The following FSTL4 variants were observed in gnomAD, a reference collection of about 807,000 sequenced individuals.
FSTL4 encodes follistatin like 4, also known as follistatin-related protein 4.
A neutral mutation model predicts 78.2 loss-of-function variants in FSTL4; 28 were observed. The observed-to-expected ratio is 0.36, with a 90% CI of 0.27 to 0.49. The LOEUF is 0.49. FSTL4 is among the 20% of genes least tolerant of loss of function. The pLI is 0.98. For missense variants in FSTL4, 922 were observed against 1,084.9 expected, an observed-to-expected ratio of 0.85 and a Z score of 2.11; for synonymous variants, 422 against 440.5, an observed-to-expected ratio of 0.96 and a Z score of 0.53.
At chr5:133,667,123 C>T in the FSTL4 span, among the ~76,000 whole-genome samples, 1 of 152,172 alleles carries the variant, frequency 6.6e-6, no homozygotes, top group South Asian at 2.1e-4. Flanking sequence ...TTCTCCGTCT[C>T]GACAAAAGGC....
intron 1 of FSTL4, among the ~76,000 whole-genome samples, chr5:133,610,380 T>G (rs1761065385): frequency 6.6e-6 from 1 of 152,212 alleles, no homozygotes; most frequent in Admixed American, 6.5e-5. Context: ...ATACATTACA[T>G]CAAAGTGGAC....
At chr5:133,507,693 T>G (rs1214646320) in intron 3 of FSTL4, among the ~76,000 whole-genome samples, 2 of 151,964 alleles carry the variant, frequency 1.3e-5, no homozygotes, top group African/African-American at 4.8e-5. Context: ...CGGCTAATTT[T>G]TGTATTTTTA....
intron 6 of FSTL4, among the ~76,000 whole-genome samples, chr5:133,259,518 C>CTTT (rs3976227): frequency 1.6e-5 from 2 of 126,394 alleles, no homozygotes; most frequent in African/African-American, 6.1e-5. Flanking sequence ...ATTTTTTTTT[C>CTTT]TTTTTTTTTT....
chr5:133,381,273 G>A (rs982768912), intron 4 of FSTL4, among the ~76,000 whole-genome samples: 7 of 152,234 alleles, frequency 4.6e-5, no homozygotes, highest in Non-Finnish European at 1.0e-4. Flanking sequence ...GTCAACAGCA[G>A]AATGGATACA....
At chr5:133,793,009 G>T in the FSTL4 span, among the ~76,000 whole-genome samples, 2 of 152,296 alleles carry the variant, frequency 1.3e-5, no homozygotes, top group South Asian at 4.1e-4. Flanking sequence ...GGTAGATCTG[G>T]GCAGGTTTTT....
chr5:133,813,668 C>A, the FSTL4 span, among the ~76,000 whole-genome samples: 53 of 152,290 alleles, frequency 3.5e-4, no homozygotes, highest in African/African-American at 1.2e-3. Flanking sequence ...TACATTTTTG[C>A]AATACTTTCC....
At chr5:133,464,606 C>A (rs776919674) in intron 3 of FSTL4, among the ~76,000 whole-genome samples, 2 of 152,228 alleles carry the variant, frequency 1.3e-5, no homozygotes, top group Non-Finnish European at 2.9e-5. Context: ...TGAGCTCATA[C>A]TCCTACCTTC....
At chr5:133,671,909 T>C in the FSTL4 span, among the ~76,000 whole-genome samples, 2 of 152,204 alleles carry the variant, frequency 1.3e-5, no homozygotes, top group African/African-American at 2.4e-5. Flanking sequence ...GTAAAGTACA[T>C]TGATTTCTTT....
the FSTL4 span, among the ~76,000 whole-genome samples, chr5:133,792,850 T>C: frequency 5.3e-5 from 8 of 151,886 alleles, no homozygotes; most frequent in African/African-American, 2.4e-5. Flanking sequence ...CCAAACCTCA[T>C]GGAAAGGAAC....
At position 133,236,572 on chromosome 5, in the gene FSTL4, C is replaced by T. The variant is rs1751669713; in HGVS notation, c.895-3035G>A. Among the ~76,000 whole-genome samples, 1 of 152,216 alleles carries T rather than the reference C, an allele frequency of 6.6e-6. No individual in the cohort carries two copies. Among genetic ancestry groups the T allele is most frequent in the Non-Finnish European group, 1.5e-5 (1 of 68,036 alleles). On this transcript the variant is annotated intron_variant, in intron 7 of 15. Coordinates refer to ENST00000265342, the MANE Select transcript of FSTL4 (RefSeq NM_015082.2). This position sits in a 1 kb window ranked among gnomAD's most constrained non-coding sequence, Gnocchi z 5.0. ...CCTGCTCTGGCCAGCTGCCACCTTC[C>T]TGGGTGATGCCAGGGACCCCGGCTT...
chr5:133,715,925 C>T, the FSTL4 span, among the ~76,000 whole-genome samples: 1 of 152,228 alleles, frequency 6.6e-6, no homozygotes, highest in African/African-American at 2.4e-5. Context: ...TGAAAACACA[C>T]ATTTATTGAG....
the FSTL4 span, among the ~76,000 whole-genome samples, chr5:133,820,585 G>T: frequency 6.6e-6 from 1 of 152,176 alleles, no homozygotes; most frequent in Non-Finnish European, 1.5e-5. Context: ...TGCAGTGTTT[G>T]CTATCCTCTG....
intron 6 of FSTL4, among the ~76,000 whole-genome samples, chr5:133,309,507 C>T (rs147848353): frequency 6.6e-6 from 1 of 152,314 alleles, no homozygotes; most frequent in Non-Finnish European, 1.5e-5. Flanking sequence ...AGGAGAGTCA[C>T]CTGTTCCTCA....
the FSTL4 span, among the ~76,000 whole-genome samples, chr5:133,810,461 C>A: frequency 6.6e-6 from 1 of 152,160 alleles, no homozygotes; most frequent in East Asian, 1.9e-4. Context: ...TGGTAATATC[C>A]AAGGTCCATT....
At chr5:133,299,782 G>A (rs1428022875) in intron 6 of FSTL4, among the ~76,000 whole-genome samples, 1 of 152,184 alleles carries the variant, frequency 6.6e-6, no homozygotes, top group Non-Finnish European at 1.5e-5. Context: ...GGCAAGGGGA[G>A]ATAGGTGCTC....
rs554998273 is a variant in FSTL4 at position 133,325,160 on chromosome 5, T to G, written c.410-8508A>C. ...TGGATCACCCTGTGAAGAGGCCAGCTGAGCGCCCTGTGCTTGAAACAGCCA... is the reference window on the plus strand; with the variant it reads ...TGGATCACCCTGTGAAGAGGCCAGCGGAGCGCCCTGTGCTTGAAACAGCCA... On this transcript the variant is annotated intron_variant, in intron 4 of 15. Coordinates refer to ENST00000265342, the MANE Select transcript of FSTL4 (RefSeq NM_015082.2). 4.6e-5 allele frequency among the ~76,000 whole-genome samples: 7 copies of G among 152,356 alleles called. No individual in the cohort carries two copies. The South Asian group carries it at 6.2e-4, about 14-fold the overall frequency.
the FSTL4 span, among the ~76,000 whole-genome samples, chr5:133,683,062 C>T: frequency 6.6e-6 from 1 of 152,152 alleles, no homozygotes; most frequent in Non-Finnish European, 1.5e-5. Context: ...CACAGAGAAG[C>T]AGAAAAAGAG....
chr5:133,559,636 A>T (rs1759870624), intron 3 of FSTL4, among the ~76,000 whole-genome samples: 1 of 152,216 alleles, frequency 6.6e-6, no homozygotes, highest in African/African-American at 2.4e-5. Context: ...CTATGCCCAA[A>T]TATTGCAATG....
intron 2 of FSTL4, among the ~76,000 whole-genome samples, chr5:133,586,277 A>T (rs1196242073): frequency 9.6e-6 from 1 of 104,402 alleles, no homozygotes; most frequent in Admixed American, 1.0e-4. Flanking sequence ...AGACATAACT[A>T]AAATCAGAGC....
Sources: gnomAD v4.1 joint callset for allele counts (sites outside exome capture counted in the v4.1 genomes callset) on GRCh38, gnomAD v4.1.1 for gene constraint, Gnocchi (gnomAD v3.1) non-coding constraint, MANE v1.5 for transcripts, NCBI Gene and HGNC (gene_info 2026-07-23, HGNC 2026-07-21) for gene names.